Variants in ARFGEF2 observed in about 807,000 individuals in gnomAD.
ARFGEF2 encodes the protein ARF guanine nucleotide exchange factor 2, also known as brefeldin A-inhibited guanine nucleotide-exchange protein 2.
Under a neutral mutation model 219.9 loss-of-function variants are expected in ARFGEF2, and 74 were observed. The ratio of observed to expected loss-of-function variants is 0.34; its 90% CI spans 0.28 to 0.41. ARFGEF2 has a LOEUF of 0.41. Ranked by LOEUF, ARFGEF2 falls within the 10% of genes least tolerant of loss-of-function variation. The probability of loss-of-function intolerance (pLI) is 1.00; values close to 1 mark genes in which losing one functional copy is unlikely to be tolerated. For synonymous variants in ARFGEF2, 733 were observed against 799.2 expected (o/e 0.92, Z 1.40); for missense variants, 1,743 against 2,218.3 (o/e 0.79, Z 4.30).
Position 49,025,480 on chromosome 20 carries a change from A to C in ARFGEF2, c.4923A>C (p.Ala1641=). The C allele has an allele frequency of 6.2e-7, 1 of 1,613,988 alleles. No homozygotes were observed. The highest frequency in any genetic ancestry group is 8.5e-7 in the Non-Finnish European group (1 of 1,179,964). ...AGCAGCGGACTGTCCTGTGGCGAGC[A>C]GGTAAGGCCACACAGCAGATAAGAT... ...NYEQRTVLWR[A]GFKGKSKPNL... Residue 1641 remains alanine (A), a splice_region_variant and synonymous_variant, in exon 36 of 39, where the codon GCA becomes GCC. Coordinates refer to ENST00000371917, the MANE Select transcript of ARFGEF2 (RefSeq NM_006420.3).
At chr20:49,015,003 A>G (rs1029074081) in intron 30 of ARFGEF2, among the ~76,000 whole-genome samples, 1 of 152,192 alleles carries the variant, frequency 6.6e-6, no homozygotes, top group South Asian at 2.1e-4. Flanking sequence ...TTTTTCTTCT[A>G]TGAAAATAGA....
At chr20:48,981,302 A>G (rs957165804) in intron 14 of ARFGEF2, among the ~76,000 whole-genome samples, 11 of 152,188 alleles carry the variant, frequency 7.2e-5, no homozygotes, top group South Asian at 2.1e-4. Flanking sequence ...AATGTTGAAT[A>G]TTGGCCCTCA....
At chr20:48,980,033 T>A (rs942489037) in intron 14 of ARFGEF2, among the ~76,000 whole-genome samples, 1 of 152,108 alleles carries the variant, frequency 6.6e-6, no homozygotes, top group Admixed American at 6.6e-5. Context: ...GCTTTTGAAT[T>A]TGTTTGTTCT....
rs910953077 is a variant in ARFGEF2 at position 48,935,693 on chromosome 20, C to T, written c.122-5506C>T. On this transcript the variant is annotated intron_variant, in intron 1 of 38. Coordinates refer to ENST00000371917, the MANE Select transcript of ARFGEF2 (RefSeq NM_006420.3). ...GGCCGGGCAGAGGCGCCCCTCACCT[C>T]CTGGACGGGGCGGCTAGCCGGGCGG... 3.3e-5 allele frequency among the ~76,000 whole-genome samples: 5 copies of T among 151,226 alleles called. No homozygotes were observed. In the East Asian group the frequency reaches 7.9e-4, roughly 24 times the overall value.
intron 23 of ARFGEF2, among the ~76,000 whole-genome samples, chr20:48,996,692 C>A (rs1405135914): frequency 6.7e-6 from 1 of 149,054 alleles, no homozygotes; most frequent in Non-Finnish European, 1.5e-5. Flanking sequence ...TGTAGTGGGC[C>A]GAGATCGCGC....
At chr20:48,933,659 CATTT>C (rs1261565929) in intron 1 of ARFGEF2, among the ~76,000 whole-genome samples, 2 of 152,166 alleles carry the variant, frequency 1.3e-5, no homozygotes, top group African/African-American at 2.4e-5. Flanking sequence ...AGAGAACTGA[CATTT>C]ATTGACCACC....
At chr20:49,025,711 T>C (rs1215956377) in intron 36 of ARFGEF2, among the ~76,000 whole-genome samples, 2 of 152,156 alleles carry the variant, frequency 1.3e-5, no homozygotes, top group Non-Finnish European at 2.9e-5. Flanking sequence ...CGGTGGTCCA[T>C]GCCTGTAATC....
chr20:49,030,610 G>A (rs933423085), intron 37 of ARFGEF2, among the ~76,000 whole-genome samples: 5 of 151,956 alleles, frequency 3.3e-5, no homozygotes, highest in African/African-American at 4.8e-5. Context: ...GTCATAAAGT[G>A]AAAAAAGAAT....
rs1170184640 is a variant in ARFGEF2 at position 49,010,350 on chromosome 20, G to C, written c.3703G>C (p.Asp1235His). The C allele has an allele frequency of 1.4e-5, 23 of 1,614,176 alleles. No homozygotes were observed. Among genetic ancestry groups the C allele is most frequent in the Non-Finnish European group, 1.9e-5 (23 of 1,180,026 alleles). ...IFAVFHQAASDHDGNIVELAF... is the reference protein window; with the variant it reads ...IFAVFHQAASHHDGNIVELAF... ...TGCCGTGTTCCACCAGGCAGCCTCT[G>C]ATCATGATGGGAACATTGTGGAGCT... Residue 1235 changes from aspartate (D) to histidine (H), a missense_variant, in exon 27 of 39, where the codon GAT (aspartate) becomes CAT (histidine). By Grantham distance (81) the Asp-to-His change is moderately conservative. Coordinates refer to ENST00000371917, the MANE Select transcript of ARFGEF2 (RefSeq NM_006420.3).
In ARFGEF2 at chr20:48,989,750, T is replaced by A. The variant is rs1600637760; in HGVS notation, c.2814+66T>A. 4 of 1,606,504 alleles carry A rather than the reference T, an allele frequency of 2.5e-6. No homozygotes were observed. In the East Asian group the frequency reaches 6.7e-5, roughly 27 times the overall value. ...TGTGCTCTTTTAGATTTGGCAAAAC[T>A]TAGAAATTATCAGAAATTTTCAGTT... is the stretch of plus-strand genomic sequence containing the variant. On this transcript the variant is annotated intron_variant, in intron 20 of 38. Coordinates refer to ENST00000371917, the MANE Select transcript of ARFGEF2 (RefSeq NM_006420.3).
intron 1 of ARFGEF2, among the ~76,000 whole-genome samples, chr20:48,938,532 C>CTTTA (rs1489126496): frequency 6.6e-6 from 1 of 152,058 alleles, no homozygotes; most frequent in Non-Finnish European, 1.5e-5. Context: ...CTGGGATATC[C>CTTTA]ATCACTTTAA....
intron 18 of ARFGEF2, among the ~76,000 whole-genome samples, 193 bp from the exon 19 acceptor site, chr20:48,989,092 C>G (rs537499481): frequency 3.6e-4 from 55 of 152,184 alleles, no homozygotes; most frequent in African/African-American, 1.3e-3. Context: ...ATTGTATGAC[C>G]CTGGGCAAGT....
At chr20:48,946,317 G>A (rs1233074790) in intron 3 of ARFGEF2, among the ~76,000 whole-genome samples, 1 of 152,026 alleles carries the variant, frequency 6.6e-6, no homozygotes, top group African/African-American at 2.4e-5. Context: ...CTTCCCCTGC[G>A]GCTTGCTTCT....
Position 48,952,735 on chromosome 20 carries a change from A to G in ARFGEF2, c.454A>G (p.Ile152Val), listed in dbSNP as rs753026131. The G allele has an allele frequency of 4.3e-6, 7 of 1,614,122 alleles. No homozygotes were observed. The African/African-American group carries it at 5.3e-5, about 12-fold the overall frequency. Residue 152 changes from isoleucine (I) to valine (V), a missense_variant, in exon 5 of 39, where the codon ATT (isoleucine) becomes GTT (valine). By Grantham distance (29) the Ile-to-Val change is conservative. Coordinates refer to ENST00000371917, the MANE Select transcript of ARFGEF2 (RefSeq NM_006420.3). The part of the protein sequence containing the change: ...ALLTAVTSPH[I>V]EIHEGTILQT... Reference sequence around the variant, plus strand: ...TCTGACTGCAGTGACTTCCCCACACATTGAAATTCATGAGGGTACTATCCT... The same window carrying G: ...TCTGACTGCAGTGACTTCCCCACACGTTGAAATTCATGAGGGTACTATCCT...
intron 15 of ARFGEF2, among the ~76,000 whole-genome samples, 188 bp downstream of exon 15, chr20:48,985,028 A>G (rs2091319141): frequency 6.6e-6 from 1 of 152,222 alleles, no homozygotes; most frequent in South Asian, 2.1e-4. Flanking sequence ...GTGTTGCAGA[A>G]AGCTCTTTGA....
At chr20:48,970,561 G>C (rs6012573) in intron 9 of ARFGEF2, among the ~76,000 whole-genome samples, 21,204 of 152,072 alleles carry the variant, frequency 0.14, 1,952 homozygotes, top group East Asian at 0.37. Flanking sequence ...AGTGAGCCGA[G>C]ATTTGTGCCA....
At chr20:48,994,670 A>C in intron 22 of ARFGEF2, 72 bp downstream of exon 22, 16 of 1,589,802 alleles carry the variant, frequency 1.0e-5, no homozygotes, top group African/African-American at 1.3e-5. Flanking sequence ...TTCTTGTCTC[A>C]TCAGGACTGT....
rs2091538097 is a variant in ARFGEF2, at chr20:49,017,553, A to G, written c.4509+3A>G. The G allele has an allele frequency of 1.2e-6, 2 of 1,613,878 alleles. No individual in the cohort carries two copies. Among genetic ancestry groups the G allele is most frequent in the African/African-American group, 1.3e-5 (1 of 74,910 alleles). On this transcript the variant is annotated splice_donor_region_variant and intron_variant, in intron 33 of 38. Coordinates refer to ENST00000371917, the MANE Select transcript of ARFGEF2 (RefSeq NM_006420.3). ...AAGATTCATCAGAAAAGCATTTGGT[A>G]GGATTTGGGGTTTTTCTTTGGTTGT...
rs765505222 is a variant in ARFGEF2 at position 49,028,666 on chromosome 20, A to C, written c.5061A>C (p.Leu1687Phe). 2 of 1,613,934 alleles carry C rather than the reference A, an allele frequency of 1.2e-6. No individual in the cohort carries two copies. The highest frequency in any genetic ancestry group is 1.7e-5 in the Admixed American group (1 of 60,014). ...GGGAAGAAATACAGCAGAGACTTTT[A>C]ACGTAAGAAAATTAGTTTCTGATTA... The part of the protein sequence containing the change: ...DSWEEIQQRL[L>F]TVCSEALAYF... Residue 1687 changes from leucine (L) to phenylalanine (F), a missense_variant and splice_region_variant, in exon 37 of 39, where the codon TTA becomes TTC. By Grantham distance (22) the Leu-to-Phe change is conservative. Around this residue, in one of 5 missense-constraint regions of ARFGEF2, gnomAD observed 578 missense variants for 664.0 expected, o/e 0.87. Transcript: ENST00000371917.
Sources: allele counts gnomAD v4.1 joint callset (sites outside exome capture counted in the v4.1 genomes callset), GRCh38; gene constraint gnomAD v4.1.1; regional missense constraint gnomAD v4.1.1; transcripts MANE v1.5; gene names NCBI Gene and HGNC (gene_info 2026-07-23, HGNC 2026-07-21).